CSPG4: variants seen among roughly 807,000 people sequenced by gnomAD.
CSPG4 encodes chondroitin sulfate proteoglycan 4, also known as chondroitin sulfate proteoglycan 4 (melanoma-associated).
Under a neutral mutation model 139.3 loss-of-function variants are expected in CSPG4, and 74 were observed. The observed-to-expected ratio is 0.53, with a 90% CI of 0.44 to 0.64. The LOEUF is 0.64. Among genes scored for constraint, CSPG4 ranks in the 30% least tolerant of loss-of-function variants. CSPG4 has a pLI of 0.00. For missense variants in CSPG4, 2,565 were observed against 3,148.3 expected (o/e 0.81, Z 4.43); for synonymous variants, 1,234 against 1,394.2 (o/e 0.89, Z 2.56).
At position 75,684,755 on chromosome 15, in the gene CSPG4, G is replaced by C; in HGVS notation, c.4430C>G (p.Thr1477Ser). ...LPVNDQPPILTTNTGLQMWEG... is the reference protein window; with the variant it reads ...LPVNDQPPILSTNTGLQMWEG... ...TCTCACCTGCAGGCCTGTGTTTGTAGTGAGGATGGGGGGTTGGTCATTGAC... is the reference window on the plus strand; with the variant it reads ...TCTCACCTGCAGGCCTGTGTTTGTACTGAGGATGGGGGGTTGGTCATTGAC... The change falls in exon 5 of 10, where the codon ACT (threonine) becomes AGT (serine). Residue 1477 changes from threonine to serine, a missense_variant. By Grantham distance (58) the Thr-to-Ser change is moderately conservative. Around this residue, in one of 5 missense-constraint regions of CSPG4, gnomAD observed 2,316 missense variants for 2,818.2 expected, o/e 0.82. Transcript: ENST00000308508. 6.2e-7 allele frequency: 1 copy of C among 1,613,690 alleles called. No homozygotes were observed.
chr15:75,685,430 A>C lies in CSPG4; in HGVS notation c.4061T>G (p.Leu1354Arg). Residue 1354 changes from leucine (L) to arginine (R), a missense_variant, in exon 4 of 10, where the codon CTG becomes CGG. Physicochemically the swap from Leu to Arg is moderately radical, Grantham distance 102 (BLOSUM62 -2). Transcript: ENST00000308508. ...CGCCTCTAGTGGGATGGCAGCGGGCAGCACCTCCAGCTCCACAAGGACGCC... is the reference window on the plus strand; with the variant it reads ...CGCCTCTAGTGGGATGGCAGCGGGCCGCACCTCCAGCTCCACAAGGACGCC... ...LEGVLVELEV[L>R]PAAIPLEAQN... 2 of 1,612,340 alleles carry C rather than the reference A, an allele frequency of 1.2e-6. No homozygotes were observed. Among genetic ancestry groups the C allele is most frequent in the Non-Finnish European group, 1.7e-6 (2 of 1,179,920 alleles).
At chr15:75,704,744 C>T (rs1335245582) in intron 1 of CSPG4, among the ~76,000 whole-genome samples, 4 of 152,330 alleles carry the variant, frequency 2.6e-5, no homozygotes, top group Admixed American at 2.0e-4. Flanking sequence ...TCTGAGCTCA[C>T]ATACACCCAT....
chr15:75,712,988 C>G (rs1894470043), upstream of CSPG4: 1 of 512,594 alleles, frequency 2.0e-6, no homozygotes, highest in African/African-American at 2.0e-5. Context: ...GGGGCTGTTC[C>G]TCTCTGGGGC....
rs749309638 is a variant in CSPG4 at position 75,682,322 on chromosome 15, C to T, written c.4921G>A (p.Glu1641Lys). 3.8e-6 allele frequency: 6 copies of T among 1,596,696 alleles called. No individual in the cohort carries two copies. Among genetic ancestry groups the T allele is most frequent in the Non-Finnish European group, 5.1e-6 (6 of 1,179,926 alleles). The change falls in exon 8 of 10, where the codon GAG becomes AAG. Residue 1641 changes from glutamate to lysine, a missense_variant. Physicochemically the swap from Glu to Lys is moderately conservative, Grantham distance 56 (BLOSUM62 1). Around this residue, in one of 5 missense-constraint regions of CSPG4, gnomAD observed 2,316 missense variants for 2,818.2 expected, o/e 0.82. Coordinates refer to ENST00000308508, the MANE Select transcript of CSPG4 (RefSeq NM_001897.5). ...LFHAQQDSTGEALVNFTQAEV... is the reference protein window; with the variant it reads ...LFHAQQDSTGKALVNFTQAEV... ...GCCTGAGTGAAGTTCACCAGGGCCT[C>T]CCCTGTGCTGTCCTGCTGGGCGTGG...
chr15:75,712,437 GCC>G (rs752969392), intron 1 of CSPG4, among the ~76,000 whole-genome samples: 3 of 152,124 alleles, frequency 2.0e-5, no homozygotes, highest in Non-Finnish European at 2.9e-5. Flanking sequence ...GCCTGCTCCC[GCC>G]CCTAACTGGA....
At chr15:75,709,475 C>A (rs1428468039) in intron 1 of CSPG4, among the ~76,000 whole-genome samples, 1 of 152,156 alleles carries the variant, frequency 6.6e-6, no homozygotes, top group Non-Finnish European at 1.5e-5. Flanking sequence ...CAGGTGGCAC[C>A]CCTGTCCCCA....
Position 75,683,029 on chromosome 15 carries a change from C to T in CSPG4, c.4462G>A (p.Ala1488Thr), listed in dbSNP as rs752749548. 3.1e-6 allele frequency: 5 copies of T among 1,609,890 alleles called. No individual in the cohort carries two copies. Among genetic ancestry groups the T allele is most frequent in the East Asian group, 2.2e-5 (1 of 44,844 alleles). The change falls in exon 6 of 10, where the codon GCC becomes ACC. Residue 1488 changes from alanine (A) to threonine (T), a missense_variant. Ala to Thr is a moderately conservative substitution (Grantham distance 58). This residue lies in a region of CSPG4 where 2,316 missense variants were observed against 2,818.2 expected (regional missense o/e 0.82). Transcript: ENST00000308508. Reference sequence around the variant, plus strand: ...GCCTCCGCAGGGATGGGCGCAGTGGCCCCCTCCCACATCTGGGAACACAGG... The same window carrying T: ...GCCTCCGCAGGGATGGGCGCAGTGGTCCCCTCCCACATCTGGGAACACAGG... ...TNTGLQMWEGATAPIPAEALR... is the reference protein window; with the variant it reads ...TNTGLQMWEGTTAPIPAEALR...
intron 5 of CSPG4, 66 bp downstream of exon 5, chr15:75,684,670 G>C (rs1408277749): frequency 6.7e-7 from 1 of 1,502,488 alleles, no homozygotes; most frequent in East Asian, 2.4e-5. Context: ...GCTCTGAGCC[G>C]CGAAGTAGGG....
Position 75,677,013 on chromosome 15 carries a change from G to A in CSPG4, c.5506C>T (p.Gln1836Ter), listed in dbSNP as rs1205954898. The change falls in exon 10 of 10, where the codon CAG (glutamine) becomes TAG (stop). Residue 1836 changes from glutamine (Q) to a stop codon, truncating the protein, a stop_gained. Coordinates refer to ENST00000308508, the MANE Select transcript of CSPG4 (RefSeq NM_001897.5). LOFTEE classifies it low-confidence loss of function (END_TRUNC). ...GTGAGCCGGAGTGGGACAGAGGCCT[G>A]TGGCTGAGGGGGCCGCTCATTTACA... is the stretch of plus-strand genomic sequence containing the variant. ...RDVNERPPQPQASVPLRLTRG... is the reference protein window; with the variant it reads ...RDVNERPPQP 6.9e-7 allele frequency: 1 copy of A among 1,442,960 alleles called. No homozygotes were observed. Among genetic ancestry groups the A allele is most frequent in the Non-Finnish European group, 9.2e-7 (1 of 1,091,694 alleles). 89.4% of individuals were successfully genotyped at this position (1,442,960 alleles called of 1,614,324 possible).
At position 75,675,295 on chromosome 15, in the gene CSPG4, G is replaced by A. The variant is rs778411958; in HGVS notation, c.*255C>T. 3.7e-5 allele frequency: 14 copies of A among 377,572 alleles called. No individual in the cohort carries two copies. Among genetic ancestry groups the A allele is most frequent in the Non-Finnish European group, 5.6e-5 (12 of 214,786 alleles). 23.4% of individuals were successfully genotyped at this position (377,572 alleles called of 1,614,324 possible). A position where few individuals can be genotyped will look rare whatever the true frequency, so the allele number is the denominator to read the frequency against. On this transcript the variant is annotated 3_prime_UTR_variant, in exon 10 of 10. Transcript: ENST00000308508. The stretch of plus-strand genomic sequence containing the variant: ...AGCCCAAACCAGCTCCAGGGCAGGA[G>A]GACTGAACTTAAGCCTGCCTCCACC...
intron 8 of CSPG4, 128 bp from the exon 9 acceptor site, chr15:75,678,014 G>T: frequency 1.3e-6 from 1 of 777,400 alleles, no homozygotes; most frequent in Non-Finnish European, 1.9e-6. Context: ...CGTGTGACCC[G>T]CTGTCTCCCT....
At chr15:75,691,146 C>T (rs1244291349) in intron 2 of CSPG4, among the ~76,000 whole-genome samples, 2 of 152,162 alleles carry the variant, frequency 1.3e-5, no homozygotes, top group African/African-American at 4.8e-5. Flanking sequence ...TGCACTCCAG[C>T]CTGGGCAGCA....
At chr15:75,682,575 C>T in intron 7 of CSPG4, 32 bp downstream of exon 7, 1 of 1,606,988 alleles carries the variant, frequency 6.2e-7, no homozygotes, top group South Asian at 1.1e-5. Context: ...CAGCTCCTGG[C>T]ACCCAGGAAT....
chr15:75,685,197 T>C, intron 4 of CSPG4, 22 bp downstream of exon 4: 2 of 1,511,198 alleles, frequency 1.3e-6, no homozygotes, highest in Non-Finnish European at 8.8e-7. Flanking sequence ...CTGCAGCCCC[T>C]GGGCCTCTCT....
At chr15:75,709,412 T>C (rs1180883745) in intron 1 of CSPG4, among the ~76,000 whole-genome samples, 1 of 152,130 alleles carries the variant, frequency 6.6e-6, no homozygotes, top group Non-Finnish European at 1.5e-5. Flanking sequence ...CTCAGTCCCA[T>C]GCCCACAGGC....
chr15:75,685,493 G>A lies in CSPG4; in HGVS notation c.3998C>T (p.Ser1333Leu), dbSNP rs767886749. Reference sequence around the variant, plus strand: ...ACCCAGGCCTGAGGCCACATCCAGCGAGAAGGCATCGCTCCAGGCCTCAGG... The same window carrying A: ...ACCCAGGCCTGAGGCCACATCCAGCAAGAAGGCATCGCTCCAGGCCTCAGG... Reference protein sequence around the residue: ...SRPEAWSDAFSLDVASGLGAP... With the variant: ...SRPEAWSDAFLLDVASGLGAP... Residue 1333 changes from serine to leucine, a missense_variant, in exon 4 of 10, where the codon TCG becomes TTG. Ser to Leu is a moderately radical substitution (Grantham distance 145). Coordinates refer to ENST00000308508, the MANE Select transcript of CSPG4 (RefSeq NM_001897.5). 7.4e-6 allele frequency: 12 copies of A among 1,611,548 alleles called. 1 individual carries two copies. The highest frequency in any genetic ancestry group is 4.4e-5 in the South Asian group (4 of 90,912).
intron 1 of CSPG4, among the ~76,000 whole-genome samples, chr15:75,697,658 C>A (rs1894246096): frequency 6.6e-6 from 1 of 152,184 alleles, no homozygotes; most frequent in South Asian, 2.1e-4. Context: ...ATGGGAGCAG[C>A]AGCATTCCTG....
upstream of CSPG4, chr15:75,712,907 G>GCGCCCGCT (rs1386450130): frequency 1.7e-6 from 1 of 589,010 alleles, no homozygotes; most frequent in East Asian, 3.4e-5. Flanking sequence ...GCAGACCCGC[G>GCGCCCGCT]CGCCCGCTCG....
upstream of CSPG4, chr15:75,712,894 G>A: frequency 4.6e-6 from 3 of 646,892 alleles, no homozygotes; most frequent in African/African-American, 2.0e-5. Flanking sequence ...GGGCGGGGCA[G>A]GCGCAGACCC....
Sources: allele counts gnomAD v4.1 joint callset (sites outside exome capture counted in the v4.1 genomes callset), GRCh38; gene constraint gnomAD v4.1.1; regional missense constraint gnomAD v4.1.1; transcripts MANE v1.5; gene names NCBI Gene and HGNC (gene_info 2026-07-23, HGNC 2026-07-21).